The following PRKDC variants were observed in gnomAD, a reference collection of about 807,000 sequenced individuals.
PRKDC encodes DNA-dependent protein kinase catalytic subunit.
Under a neutral mutation model 486.9 loss-of-function variants are expected in PRKDC, and 82 were observed. That is an observed-to-expected ratio of 0.17 (90% CI 0.14 to 0.20). The LOEUF is 0.20. Ranked by LOEUF, PRKDC falls within the 10% of genes least tolerant of loss-of-function variation. The pLI is 1.00. For synonymous variants in PRKDC, 1,895 were observed against 1,837.0 expected (o/e 1.03, Z -0.81); for missense variants, 4,504 against 5,038.2 (o/e 0.89, Z 3.21).
At chr8:47,898,446 G>A (rs764022144) in intron 29 of PRKDC, 24 bp downstream of exon 29, 27 of 1,519,982 alleles carry the variant, frequency 1.8e-5, no homozygotes, top group Admixed American at 1.6e-4. Flanking sequence ...GGGAAAAGAC[G>A]GAAAAGGAAG....
Position 47,934,049 on chromosome 8 carries a change from T to C in PRKDC, c.1539A>G (p.Glu513=), listed in dbSNP as rs182436738. 254 of 1,613,824 alleles carry C rather than the reference T, an allele frequency of 1.6e-4. 1 individual carries two copies. The African/African-American group carries it at 2.7e-3, about 17-fold the overall frequency. ...SESEDHRASG[E]VRTGKWKVPT... is the part of the protein sequence containing the mutation. ...GCACCTTCCATTTGCCAGTTCTGAC[T>C]TCCCCTGAAGCACGGTGGTCTTCAG... The change falls in exon 15 of 86, where the codon GAA becomes GAG. Residue 513 remains glutamate (E), a synonymous_variant. Transcript: ENST00000314191.
intron 23 of PRKDC, among the ~76,000 whole-genome samples, chr8:47,914,543 T>C (rs1421397280): frequency 6.6e-6 from 1 of 152,160 alleles, no homozygotes; most frequent in Non-Finnish European, 1.5e-5. Context: ...CTCACACCAG[T>C]GATCCCAGCA....
intron 7 of PRKDC, among the ~76,000 whole-genome samples, chr8:47,953,242 G>A (rs2090654126): frequency 6.6e-6 from 1 of 152,184 alleles, no homozygotes; most frequent in Admixed American, 6.5e-5. Flanking sequence ...GGGAAGCAGA[G>A]GTTGCAGTGA....
At chr8:47,937,978 G>T in intron 11 of PRKDC, among the ~76,000 whole-genome samples, 1 of 152,186 alleles carries the variant, frequency 6.6e-6, no homozygotes, top group East Asian at 1.9e-4. Context: ...TGCTGGGCAT[G>T]GTGGCTCATG....
At position 47,915,358 on chromosome 8, in the gene PRKDC, C is replaced by A; in HGVS notation, c.2587G>T (p.Gly863Ter). 1 of 1,567,752 alleles carries A rather than the reference C, an allele frequency of 6.4e-7. No individual in the cohort carries two copies. Among genetic ancestry groups the A allele is most frequent in the Non-Finnish European group, 8.7e-7 (1 of 1,153,152 alleles). The change falls in exon 23 of 86, where the codon GGA becomes TGA. Residue 863 changes from glycine to a stop codon, truncating the protein, a stop_gained. Coordinates refer to ENST00000314191, the MANE Select transcript of PRKDC (RefSeq NM_006904.7). LOFTEE classifies it high-confidence loss of function. Reference sequence around the variant, plus strand: ...AGAAGATTTTTGTTTATTTGTCCTCCTAGAGATCCAAGCATTTGTACTACT... The same window carrying A: ...AGAAGATTTTTGTTTATTTGTCCTCATAGAGATCCAAGCATTTGTACTACT... ...IRVVQMLGSL[G>*]GQINKNLLTV...
chr8:47,774,139 T>C lies in PRKDC; in HGVS notation c.*34A>G, dbSNP rs988259695. 2.6e-6 allele frequency: 4 copies of C among 1,541,704 alleles called. No homozygotes were observed. The African/African-American group carries it at 5.5e-5, about 21-fold the overall frequency. On this transcript the variant is annotated 3_prime_UTR_variant, in exon 86 of 86. Transcript: ENST00000314191. ...AAAGTATAGTAGATTCTTTAAACAA[T>C]GTAATGCTTTCTATCTGCAGACTCC...
At chr8:47,783,431 T>C (rs2086733279) in intron 78 of PRKDC, among the ~76,000 whole-genome samples, 1 of 150,684 alleles carries the variant, frequency 6.6e-6, no homozygotes, top group Non-Finnish European at 1.5e-5. Context: ...CTACTAAAAA[T>C]TCAAAAAACA....
chr8:47,901,302 A>C lies in PRKDC; in HGVS notation c.3270-835T>G, dbSNP rs917660422. On this transcript the variant is annotated intron_variant, in intron 27 of 85. Transcript: ENST00000314191. ...CAGCTTGACTAACATGGTGAAACCC[A>C]GTCTCTACTAAAAACACAAAAATTA... Among the ~76,000 whole-genome samples, 4 of 152,124 alleles carry C rather than the reference A, an allele frequency of 2.6e-5. No homozygotes were observed. The East Asian group carries it at 5.8e-4, about 22-fold the overall frequency.
chr8:47,841,582 C>A (rs187140806), intron 54 of PRKDC, among the ~76,000 whole-genome samples: 3 of 152,302 alleles, frequency 2.0e-5, no homozygotes, highest in Non-Finnish European at 4.4e-5. Context: ...CTGGTCTCAG[C>A]CCCCCAGGGT....
chr8:47,782,065 T>G lies in PRKDC; in HGVS notation c.11489+97A>C, dbSNP rs2086707673. On this transcript the variant is annotated intron_variant, in intron 80 of 85. Transcript: ENST00000314191. This position sits in a 1 kb window ranked among gnomAD's most constrained non-coding sequence, Gnocchi z 4.9. ...AGCCAGCAGACTGCGGGGCAGGCAG[T>G]GTGGGCTCTCGAGCGCGCCTGTCAC... The G allele has an allele frequency of 6.8e-6, 7 of 1,037,008 alleles. 1 individual carries two copies. In the South Asian group the frequency reaches 9.9e-5, roughly 15 times the overall value. The allele number at this position is 1,037,008 out of a possible 1,614,324, so 64.2% of individuals were successfully genotyped here. A position where few individuals can be genotyped will look rare whatever the true frequency, so the allele number is the denominator to read the frequency against.
chr8:47,927,410 A>G (rs2154503414), intron 20 of PRKDC, 57 bp from the exon 21 acceptor site: 9 of 1,517,856 alleles, frequency 5.9e-6, no homozygotes, highest in Non-Finnish European at 7.1e-6. Flanking sequence ...GATTTAGAGG[A>G]AAAAAACACC....
intron 68 of PRKDC, among the ~76,000 whole-genome samples, chr8:47,808,760 A>AC (rs2087265263): frequency 6.6e-6 from 1 of 152,196 alleles, no homozygotes; most frequent in Non-Finnish European, 1.5e-5. Context: ...TCCCTGATCA[A>AC]CCATCAAGTA....
Position 47,828,366 on chromosome 8 carries a change from A to G in PRKDC, c.8398-19T>C. 6.5e-7 allele frequency: 1 copy of G among 1,537,972 alleles called. No individual in the cohort carries two copies. The highest frequency in any genetic ancestry group is 8.7e-7 in the Non-Finnish European group (1 of 1,146,384). ...GGTCCCTCTGTAAAAAATTCAAAACAAAGACAAATTAGGATCTGAAGCAAA... is the reference window on the plus strand; with the variant it reads ...GGTCCCTCTGTAAAAAATTCAAAACGAAGACAAATTAGGATCTGAAGCAAA... On this transcript the variant is annotated intron_variant, in intron 61 of 85. Transcript: ENST00000314191.
At chr8:47,882,292 G>A (rs965353368) in intron 36 of PRKDC, among the ~76,000 whole-genome samples, 195 bp from the exon 37 acceptor site, 1 of 152,172 alleles carries the variant, frequency 6.6e-6, no homozygotes, top group Non-Finnish European at 1.5e-5. Flanking sequence ...AGTACAGGGT[G>A]GCCTTAGCTA....
chr8:47,946,694 T>C (rs2090537226), intron 7 of PRKDC, among the ~76,000 whole-genome samples: 1 of 152,202 alleles, frequency 6.6e-6, no homozygotes, highest in Admixed American at 6.5e-5. Flanking sequence ...TGAAGTCTGA[T>C]TTCTGCTGCA....
chr8:47,905,395 A>C (rs1376947441), intron 25 of PRKDC, among the ~76,000 whole-genome samples: 1 of 152,154 alleles, frequency 6.6e-6, no homozygotes, highest in Admixed American at 6.5e-5. Context: ...ATGCAACAAA[A>C]GCTCATTGTT....
At chr8:47,786,148 C>T (rs368239049) in intron 76 of PRKDC, among the ~76,000 whole-genome samples, 93 of 147,024 alleles carry the variant, frequency 6.3e-4, no homozygotes, top group South Asian at 6.1e-3. Flanking sequence ...CGCGGTGGCT[C>T]ATGCCTGTAA....
chr8:47,856,229 T>G (rs184080192), intron 49 of PRKDC, among the ~76,000 whole-genome samples: 1,547 of 150,986 alleles, frequency 0.01, 6 homozygotes, highest in Non-Finnish European at 0.015. Context: ...GGTGGGGGGG[T>G]GGTGGTGGAG....
chr8:47,928,692 G>GT (rs891906114), intron 19 of PRKDC, among the ~76,000 whole-genome samples: 39 of 149,522 alleles, frequency 2.6e-4, no homozygotes, highest in African/African-American at 6.1e-4. Flanking sequence ...TGACACAATT[G>GT]TTTTTTTTTG....
Sources: allele counts gnomAD v4.1 joint callset (sites outside exome capture counted in the v4.1 genomes callset), GRCh38; gene constraint gnomAD v4.1.1; non-coding constraint Gnocchi (gnomAD v3.1); transcripts MANE v1.5; gene names NCBI Gene and HGNC (gene_info 2026-07-23, HGNC 2026-07-21).